SNX10: variants seen among roughly 807,000 people sequenced by gnomAD.
SNX10 encodes sorting nexin-10.
A neutral mutation model predicts 28.5 loss-of-function variants in SNX10; 25 were observed. That is an observed-to-expected ratio of 0.88 (90% confidence interval 0.64 to 1.22). The LOEUF (loss-of-function observed/expected upper bound fraction) is 1.22, where lower values mean the gene tolerates loss of function less well. Among genes scored for constraint, SNX10 ranks in the 50% most tolerant of loss-of-function variants. The pLI, the probability that SNX10 is intolerant of heterozygous loss-of-function variation, is 0.00. For missense variants in SNX10, 223 were observed against 242.6 expected, an observed-to-expected ratio of 0.92 and a Z score of 0.54; for synonymous variants, 62 against 81.4, an observed-to-expected ratio of 0.76 and a Z score of 1.28.
intron 1 of SNX10, among the ~76,000 whole-genome samples, chr7:26,315,243 A>G (rs1261575261): frequency 6.6e-6 from 1 of 152,218 alleles, no homozygotes; most frequent in Non-Finnish European, 1.5e-5. Flanking sequence ...CCTAGGAAGA[A>G]AGGCATTTTT....
intron 1 of SNX10, among the ~76,000 whole-genome samples, chr7:26,307,579 C>G (rs1027775605): frequency 1.3e-5 from 2 of 152,180 alleles, no homozygotes; most frequent in Non-Finnish European, 2.9e-5. Flanking sequence ...TCCTGAGTAG[C>G]TGGGACTATG....
chr7:26,361,723 C>T (rs1046974873), intron 3 of SNX10, among the ~76,000 whole-genome samples: 3 of 152,202 alleles, frequency 2.0e-5, no homozygotes, highest in African/African-American at 7.2e-5. Flanking sequence ...GTCGAGACTA[C>T]TCATTTCTGC....
Position 26,322,543 on chromosome 7 carries a change from G to A in SNX10, c.-23-23877G>A, listed in dbSNP as rs144285143. 1.2e-4 allele frequency among the ~76,000 whole-genome samples: 18 copies of A among 152,290 alleles called. No homozygotes were observed. The East Asian group carries it at 2.9e-3, about 24-fold the overall frequency. On this transcript the variant is annotated intron_variant, in intron 1 of 6. Coordinates refer to ENST00000338523, the MANE Select transcript of SNX10 (RefSeq NM_013322.3). ...TAAGTACTGTTTAGGAACCCGTGTC[G>A]TAAGTTTCAGACTGCCAGAGATTTT...
intron 1 of SNX10, among the ~76,000 whole-genome samples, chr7:26,304,373 A>G (rs1034467208): frequency 9.9e-5 from 15 of 152,148 alleles, no homozygotes; most frequent in South Asian, 6.2e-4. Context: ...TTACTTTCCT[A>G]TTAGCTTCTG....
At chr7:26,359,326 A>G (rs968447429) in intron 2 of SNX10, among the ~76,000 whole-genome samples, 24 of 152,106 alleles carry the variant, frequency 1.6e-4, no homozygotes, top group African/African-American at 5.8e-4. Context: ...AAAATCCTCT[A>G]TGATGAAGAG....
At chr7:26,322,726 G>A (rs1787356031) in intron 1 of SNX10, among the ~76,000 whole-genome samples, 1 of 152,118 alleles carries the variant, frequency 6.6e-6, no homozygotes, top group East Asian at 1.9e-4. Context: ...AAAAGGTTTT[G>A]TATTCTTGGA....
At chr7:26,353,196 A>G (rs1283422778) in intron 2 of SNX10, among the ~76,000 whole-genome samples, 1 of 152,208 alleles carries the variant, frequency 6.6e-6, no homozygotes, top group Non-Finnish European at 1.5e-5. Flanking sequence ...CCACCAGAGG[A>G]TGGTATTTAA....
chr7:26,320,596 C>T (rs1787274581), intron 1 of SNX10, among the ~76,000 whole-genome samples: 1 of 151,900 alleles, frequency 6.6e-6, no homozygotes. Flanking sequence ...CCACGCCCTG[C>T]TAATTTTTGT....
intron 1 of SNX10, among the ~76,000 whole-genome samples, chr7:26,296,284 G>A (rs1786108012): frequency 6.6e-6 from 1 of 152,128 alleles, no homozygotes; most frequent in African/African-American, 2.4e-5. Context: ...GGGTTCTGGT[G>A]GCTCACACCT....
At chr7:26,338,814 C>A (rs73285205) in intron 1 of SNX10, among the ~76,000 whole-genome samples, 5,109 of 152,200 alleles carry the variant, frequency 0.034, 217 homozygotes, top group African/African-American at 0.11. Flanking sequence ...GGTTTTCTTC[C>A]TGTCTTCTGT....
intron 1 of SNX10, among the ~76,000 whole-genome samples, chr7:26,332,597 G>A (rs769445741): frequency 6.6e-6 from 1 of 152,038 alleles, no homozygotes; most frequent in Non-Finnish European, 1.5e-5. Context: ...CTATTTTTTT[G>A]TTGTTGTTGC....
chr7:26,318,388 G>A (rs1379391728), intron 1 of SNX10, among the ~76,000 whole-genome samples: 1 of 152,036 alleles, frequency 6.6e-6, no homozygotes, highest in African/African-American at 2.4e-5. Context: ...GAATAATATC[G>A]TTTTTTACAC....
intron 1 of SNX10, among the ~76,000 whole-genome samples, chr7:26,323,614 AT>A (rs1460509711): frequency 6.6e-6 from 1 of 152,112 alleles, no homozygotes; most frequent in African/African-American, 2.4e-5. Context: ...TTTACCGTTT[AT>A]TTCTTTTGCA....
chr7:26,354,446 G>T (rs1477995877), intron 2 of SNX10, among the ~76,000 whole-genome samples: 4 of 152,176 alleles, frequency 2.6e-5, no homozygotes, highest in Non-Finnish European at 5.9e-5. Flanking sequence ...CACCCACCAG[G>T]CTCAAGCAAT....
chr7:26,369,682 G>A (rs1789431320), intron 5 of SNX10, among the ~76,000 whole-genome samples: 1 of 152,156 alleles, frequency 6.6e-6, no homozygotes. Context: ...ATTGTGAGCT[G>A]GGTGAGCCTG....
At chr7:26,349,233 G>A (rs979503540) in intron 2 of SNX10, among the ~76,000 whole-genome samples, 1 of 152,154 alleles carries the variant, frequency 6.6e-6, no homozygotes, top group African/African-American at 2.4e-5. Context: ...TAATCATGAG[G>A]TTGGCACGTG....
chr7:26,354,512 A>G (rs1788739410), intron 2 of SNX10, among the ~76,000 whole-genome samples: 1 of 152,154 alleles, frequency 6.6e-6, no homozygotes, highest in South Asian at 2.1e-4. Context: ...CAGTACACTC[A>G]GCTAATTTTT....
intron 1 of SNX10, among the ~76,000 whole-genome samples, chr7:26,304,487 A>G (rs974463466): frequency 1.1e-4 from 17 of 152,318 alleles, no homozygotes; most frequent in South Asian, 6.2e-4. Context: ...CAGTCCTGCC[A>G]TGTGTCCATA....
At chr7:26,309,104 C>A (rs1291520488) in intron 1 of SNX10, among the ~76,000 whole-genome samples, 6 of 152,108 alleles carry the variant, frequency 3.9e-5, no homozygotes, top group Non-Finnish European at 5.9e-5. Context: ...GGGGACTGGG[C>A]CCCTCACTTC....
Sources: gnomAD v4.1 joint callset for allele counts (sites outside exome capture counted in the v4.1 genomes callset) on GRCh38, gnomAD v4.1.1 for gene constraint, MANE v1.5 for transcripts, NCBI Gene and HGNC (gene_info 2026-07-23, HGNC 2026-07-21) for gene names.